ADGRL2: variants seen among roughly 807,000 people sequenced by gnomAD.
ADGRL2 encodes the protein adhesion G protein-coupled receptor L2.
Under a neutral mutation model 157.4 loss-of-function variants are expected in ADGRL2, and 44 were observed. That is an observed-to-expected ratio of 0.28 (90% CI 0.22 to 0.36). ADGRL2 has a LOEUF of 0.36. Ranked by LOEUF, ADGRL2 falls within the 10% of genes least tolerant of loss-of-function variation. The pLI is 1.00. For synonymous variants in ADGRL2, 585 were observed against 624.7 expected, an observed-to-expected ratio of 0.94 and a Z score of 0.95; for missense variants, 1,510 against 1,768.9, an observed-to-expected ratio of 0.85 and a Z score of 2.63.
chr1:81,348,977 A>G lies in ADGRL2; in HGVS notation c.-302+42468A>G, dbSNP rs79598978. 2.0e-3 allele frequency among the ~76,000 whole-genome samples: 301 copies of G among 152,346 alleles called. 3 individuals are homozygous for G. The South Asian group carries it at 0.028, about 14-fold the overall frequency. ...TAACTGCTTGACCTTTTGCTGCACC[A>G]ATGGAAGTAATCTGCAGTAATACTC... On this transcript the variant is annotated intron_variant, in intron 1 of 24. Coordinates refer to the ADGRL2 transcript ENST00000370721.
At chr1:81,903,703 T>A (rs2094528863) in intron 2 of ADGRL2, among the ~76,000 whole-genome samples, 1 of 143,342 alleles carries the variant, frequency 7.0e-6, no homozygotes, top group Non-Finnish European at 1.5e-5. Context: ...TTAAAGAATA[T>A]ATATATATTC....
At chr1:81,794,363 T>TG (rs2087487656) in intron 2 of ADGRL2, among the ~76,000 whole-genome samples, 1 of 152,180 alleles carries the variant, frequency 6.6e-6, no homozygotes, top group African/African-American at 2.4e-5. Context: ...TAGGTGATTT[T>TG]GGTAACCAGG....
chr1:81,809,109 G>A (rs994664346), intron 1 of ADGRL2, among the ~76,000 whole-genome samples: 1 of 151,930 alleles, frequency 6.6e-6, no homozygotes, highest in African/African-American at 2.4e-5. Context: ...CGTGGCCCCT[G>A]TTGGTTTTGT....
intron 2 of ADGRL2, among the ~76,000 whole-genome samples, chr1:81,884,390 C>T (rs2094073058): frequency 6.6e-6 from 1 of 152,112 alleles, no homozygotes; most frequent in Non-Finnish European, 1.5e-5. Context: ...ATATAGTTTC[C>T]TAAGAGATAC....
At chr1:81,644,664 AGG>A in intron 3 of ADGRL2, among the ~76,000 whole-genome samples, 1 of 152,196 alleles carries the variant, frequency 6.6e-6, no homozygotes, top group African/African-American at 2.4e-5. Context: ...AACCCATAGA[AGG>A]TACAAAATCA....
chr1:81,832,615 A>G (rs1277675671), intron 1 of ADGRL2, among the ~76,000 whole-genome samples: 1 of 152,254 alleles, frequency 6.6e-6, no homozygotes, highest in Non-Finnish European at 1.5e-5. Flanking sequence ...AGTTTAATTA[A>G]TGTCCTCTAG....
intron 17 of ADGRL2, among the ~76,000 whole-genome samples, chr1:81,976,040 A>G (rs915258091): frequency 3.3e-5 from 5 of 152,028 alleles, no homozygotes; most frequent in African/African-American, 1.2e-4. Context: ...GTAAAACCAC[A>G]TTTTTAAAAA....
chr1:81,421,291 C>T (rs1156881597), intron 1 of ADGRL2, among the ~76,000 whole-genome samples: 1 of 152,136 alleles, frequency 6.6e-6, no homozygotes, highest in Non-Finnish European at 1.5e-5. Context: ...CCTCATCTTA[C>T]TTATGGAGGA....
chr1:81,341,201 G>A (rs1662046678), intron 1 of ADGRL2, among the ~76,000 whole-genome samples: 1 of 151,892 alleles, frequency 6.6e-6, no homozygotes, highest in African/African-American at 2.4e-5. Flanking sequence ...GCCTATAGAG[G>A]AAATAAAATT....
chr1:81,905,947 AGTGTGTGT>A (rs3046460), intron 2 of ADGRL2, among the ~76,000 whole-genome samples: 124 of 144,574 alleles, frequency 8.6e-4, no homozygotes, highest in African/African-American at 2.1e-3. Context: ...AAAAAAGCAG[AGTGTGTGT>A]GTGTGTGTGT....
intron 3 of ADGRL2, among the ~76,000 whole-genome samples, chr1:81,917,832 CTCT>C (rs748870605): frequency 0.16 from 25,065 of 152,150 alleles, 2,506 homozygotes; most frequent in Middle Eastern, 0.31. Context: ...CTTACTCTGT[CTCT>C]AAAGATAGAT....
chr1:81,433,296 G>C (rs2077354984), intron 1 of ADGRL2, among the ~76,000 whole-genome samples: 1 of 152,114 alleles, frequency 6.6e-6, no homozygotes, highest in South Asian at 2.1e-4. Context: ...TTATAGATTA[G>C]TGCAGGTCAA....
At chr1:81,824,720 G>T (rs1050983739) in intron 1 of ADGRL2, among the ~76,000 whole-genome samples, 2 of 152,156 alleles carry the variant, frequency 1.3e-5, no homozygotes, top group African/African-American at 2.4e-5. Context: ...AGGCAGTAAG[G>T]TTGGCTTTAT....
intron 2 of ADGRL2, among the ~76,000 whole-genome samples, chr1:81,844,321 G>A (rs1162772347): frequency 2.0e-5 from 3 of 152,148 alleles, no homozygotes; most frequent in African/African-American, 7.2e-5. Flanking sequence ...TTGTGGAACT[G>A]TGATTCTGTT....
At chr1:81,387,560 G>T (rs1436846955) in intron 1 of ADGRL2, among the ~76,000 whole-genome samples, 1 of 152,058 alleles carries the variant, frequency 6.6e-6, no homozygotes, top group Admixed American at 6.6e-5. Context: ...TTTTATAGAA[G>T]AAACTGAAGG....
At chr1:81,752,562 G>C (rs2149271282) in intron 1 of ADGRL2, among the ~76,000 whole-genome samples, 1 of 152,134 alleles carries the variant, frequency 6.6e-6, no homozygotes, top group African/African-American at 2.4e-5. Flanking sequence ...TTTGAAACAA[G>C]AGTCTCACAG....
intron 1 of ADGRL2, among the ~76,000 whole-genome samples, chr1:81,404,563 G>A (rs191199604): frequency 6.6e-6 from 1 of 152,160 alleles, no homozygotes; most frequent in Non-Finnish European, 1.5e-5. Context: ...CAGAACTTAA[G>A]CTCTCAGCCA....
Position 81,701,180 on chromosome 1 carries a change from C to T in ADGRL2, c.-143+1372C>T, listed in dbSNP as rs142305020. Among the ~76,000 whole-genome samples, 277 of 152,104 alleles carry T rather than the reference C, an allele frequency of 1.8e-3. 1 individual carries two copies. The highest frequency in any genetic ancestry group is 6.4e-3 in the African/African-American group (266 of 41,488). ...TATGTCATTTTCATCGGTGGCATACCTTGTTTTCTTTTTGATTAAAATAAA... is the reference window on the plus strand; with the variant it reads ...TATGTCATTTTCATCGGTGGCATACTTTGTTTTCTTTTTGATTAAAATAAA... On this transcript the variant is annotated intron_variant, in intron 1 of 20. Coordinates refer to the ADGRL2 transcript ENST00000359929.
chr1:81,325,644 G>C (rs1228590362), intron 1 of ADGRL2, among the ~76,000 whole-genome samples: 1 of 152,186 alleles, frequency 6.6e-6, no homozygotes, highest in Non-Finnish European at 1.5e-5. Flanking sequence ...TAGAAGCCAA[G>C]AATTCTCTTC....
Sources: gnomAD v4.1 joint callset for allele counts (sites outside exome capture counted in the v4.1 genomes callset) on GRCh38, gnomAD v4.1.1 for gene constraint, MANE v1.5 for transcripts, NCBI Gene and HGNC (gene_info 2026-07-23, HGNC 2026-07-21) for gene names.